The following DDAH1 variants were observed in gnomAD, a reference collection of about 807,000 sequenced individuals.
DDAH1 encodes the protein dimethylarginine dimethylaminohydrolase 1, also known as N(G),N(G)-dimethylarginine dimethylaminohydrolase 1.
In DDAH1, 19 loss-of-function variants were observed where a neutral mutation model predicts 28.8. The observed-to-expected ratio is 0.66, with a 90% CI of 0.46 to 0.97. DDAH1 has a LOEUF of 0.97. Among genes scored for constraint, DDAH1 ranks in the 50% least tolerant of loss-of-function variants. The pLI, the probability that DDAH1 is intolerant of heterozygous loss-of-function variation, is 0.00. For missense variants in DDAH1, 326 were observed against 375.9 expected (o/e 0.87, Z 1.10); for synonymous variants, 153 against 154.4 (o/e 0.99, Z 0.07).
chr1:85,430,948 G>C (rs964235273), intron 1 of DDAH1, among the ~76,000 whole-genome samples: 1 of 152,150 alleles, frequency 6.6e-6, no homozygotes, highest in Non-Finnish European at 1.5e-5. Flanking sequence ...AGTGGTGACA[G>C]AGGGCATCCT....
chr1:85,525,739 A>G (rs1342285099), intron 1 of DDAH1, among the ~76,000 whole-genome samples: 1 of 152,098 alleles, frequency 6.6e-6, no homozygotes. Context: ...ACCAATGTGA[A>G]CTAGGGGTCT....
rs112364185 is a variant in DDAH1 at position 85,387,404 on chromosome 1, C to T, written c.304-28557G>A. 7.0e-3 allele frequency among the ~76,000 whole-genome samples: 1,061 copies of T among 152,274 alleles called. 11 individuals are homozygous for T. Among genetic ancestry groups the T allele is most frequent in the African/African-American group, 0.024 (1,011 of 41,548 alleles). ...CTTAGAAATTTCTTCTACCAGATAA[C>T]CTTCATCATCATCACTATTAAATTC... On this transcript the variant is annotated intron_variant, in intron 1 of 5. Transcript: ENST00000284031.
In DDAH1 at chr1:85,443,924, C is replaced by T. The variant is rs930872844; in HGVS notation, c.303+20819G>A. Among the ~76,000 whole-genome samples, 6 of 152,104 alleles carry T rather than the reference C, an allele frequency of 3.9e-5. No homozygotes were observed. In the South Asian group the frequency reaches 6.2e-4, roughly 16 times the overall value. ...TTAAGGAGATTTTGGGCTGAGACGA[C>T]GGGGTTTTCTAAATATAGAATCATG... On this transcript the variant is annotated intron_variant, in intron 1 of 5. Coordinates refer to ENST00000284031, the MANE Select transcript of DDAH1 (RefSeq NM_012137.4).
chr1:85,402,161 A>ATT (rs11365834), intron 1 of DDAH1, among the ~76,000 whole-genome samples: 1,216 of 120,384 alleles, frequency 0.01, 13 homozygotes, highest in Admixed American at 0.043. Flanking sequence ...TAATACTTCT[A>ATT]TTTTTTTTTT....
chr1:85,371,896 C>T (rs1650403126), intron 1 of DDAH1, among the ~76,000 whole-genome samples: 1 of 152,174 alleles, frequency 6.6e-6, no homozygotes, highest in Non-Finnish European at 1.5e-5. Flanking sequence ...GCTTTCTCAA[C>T]AGCTGGTACA....
chr1:85,499,504 C>G (rs1019130175), intron 1 of DDAH1, among the ~76,000 whole-genome samples: 9 of 152,164 alleles, frequency 5.9e-5, no homozygotes. Context: ...GAAACTCCAT[C>G]TCTACTAAAA....
At chr1:85,347,583 A>C (rs1180448066) in intron 4 of DDAH1, among the ~76,000 whole-genome samples, 1 of 150,408 alleles carries the variant, frequency 6.6e-6, no homozygotes, top group East Asian at 2.0e-4. Flanking sequence ...ACTTGGACAC[A>C]GGATGGGGAA....
intron 1 of DDAH1, among the ~76,000 whole-genome samples, chr1:85,428,832 T>C (rs1361808676): frequency 6.6e-6 from 1 of 152,046 alleles, no homozygotes; most frequent in Non-Finnish European, 1.5e-5. Context: ...TAAAATTTTC[T>C]GGTGCAGCCT....
chr1:85,479,410 T>A (rs1029625831), intron 2 of DDAH1, among the ~76,000 whole-genome samples: 1 of 151,578 alleles, frequency 6.6e-6, no homozygotes, highest in African/African-American at 2.4e-5. Context: ...CCTGACCTCA[T>A]GATCCACCCG....
intron 1 of DDAH1, among the ~76,000 whole-genome samples, chr1:85,558,142 G>T (rs1659037668): frequency 6.6e-6 from 1 of 152,104 alleles, no homozygotes; most frequent in African/African-American, 2.4e-5. Context: ...CAAGGCAGGT[G>T]GGTCACTTGA....
chr1:85,546,129 T>G (rs1658616063), intron 1 of DDAH1, among the ~76,000 whole-genome samples: 1 of 140,844 alleles, frequency 7.1e-6, no homozygotes, highest in Admixed American at 6.9e-5. Context: ...TGAATGTGTC[T>G]CCAAAAAAAA....
At chr1:85,373,369 C>T (rs192956296) in intron 1 of DDAH1, among the ~76,000 whole-genome samples, 174 of 152,186 alleles carry the variant, frequency 1.1e-3, no homozygotes, top group Non-Finnish European at 2.2e-3. Context: ...AATCTCATCT[C>T]AAATTGTAAT....
intron 1 of DDAH1, among the ~76,000 whole-genome samples, chr1:85,366,111 A>C (rs974842988): frequency 2.6e-5 from 4 of 151,918 alleles, no homozygotes; most frequent in Non-Finnish European, 5.9e-5. Flanking sequence ...AAAAAAAAAA[A>C]CAAAACAACC....
At chr1:85,515,576 T>C (rs1657440143) in intron 1 of DDAH1, among the ~76,000 whole-genome samples, 1 of 149,716 alleles carries the variant, frequency 6.7e-6, no homozygotes, top group South Asian at 2.1e-4. Context: ...AGGTATAAAA[T>C]GTAAGTTATA....
intron 2 of DDAH1, chr1:85,494,509 C>A (rs1360445002): frequency 6.6e-6 from 1 of 152,228 alleles, no homozygotes; most frequent in Non-Finnish European, 1.5e-5. Context: ...CACACTCCTG[C>A]TTCTCCTCTC....
chr1:85,354,659 G>GT (rs1192682235), intron 2 of DDAH1, among the ~76,000 whole-genome samples: 3 of 151,774 alleles, frequency 2.0e-5, no homozygotes, highest in East Asian at 1.9e-4. Context: ...TAACCAATAA[G>GT]TTTTTTTAAA....
intron 1 of DDAH1, among the ~76,000 whole-genome samples, chr1:85,412,799 G>A (rs1039559303): frequency 6.6e-6 from 1 of 152,098 alleles, no homozygotes; most frequent in East Asian, 1.9e-4. Context: ...CCAGGAGTTC[G>A]AGACCAGCCT....
chr1:85,389,441 C>T (rs531086151), intron 1 of DDAH1, among the ~76,000 whole-genome samples: 1 of 152,128 alleles, frequency 6.6e-6, no homozygotes, highest in East Asian at 1.9e-4. Flanking sequence ...CTCAGAATAC[C>T]AACTCTGTGC....
At chr1:85,461,022 G>C (rs967482994) in intron 1 of DDAH1, among the ~76,000 whole-genome samples, 1 of 152,174 alleles carries the variant, frequency 6.6e-6, no homozygotes, top group Admixed American at 6.5e-5. Flanking sequence ...GGCTGAAGCA[G>C]GAGGATTGTT....
Sources: allele counts gnomAD v4.1 joint callset (sites outside exome capture counted in the v4.1 genomes callset), GRCh38; gene constraint gnomAD v4.1.1; transcripts MANE v1.5; gene names NCBI Gene and HGNC (gene_info 2026-07-23, HGNC 2026-07-21).